The following GTPBP4 variants were observed in gnomAD, a reference collection of about 807,000 sequenced individuals.
GTPBP4 encodes the protein GTP-binding protein 4.
GTPBP4 carries 15 observed loss-of-function variants against 81.7 expected under a neutral mutation model. That is an observed-to-expected ratio of 0.18 (90% CI 0.12 to 0.28). The LOEUF (loss-of-function observed/expected upper bound fraction) is 0.28, where lower values mean the gene tolerates loss of function less well. GTPBP4 is among the 10% of genes least tolerant of loss of function. The probability of loss-of-function intolerance (pLI) is 1.00; values close to 1 mark genes in which losing one functional copy is unlikely to be tolerated. For synonymous variants in GTPBP4, 272 were observed against 274.6 expected, an observed-to-expected ratio of 0.99 and a Z score of 0.09; for missense variants, 847 against 793.8, an observed-to-expected ratio of 1.07 and a Z score of -0.81.
chr10:994,111 C>A (rs925654853), intron 2 of GTPBP4, among the ~76,000 whole-genome samples: 2 of 152,128 alleles, frequency 1.3e-5, no homozygotes, highest in African/African-American at 4.8e-5. Context: ...AAAATTCTTG[C>A]TAGAGGACGG....
chr10:1,016,512 TG>T (rs1431490412), intron 16 of GTPBP4, among the ~76,000 whole-genome samples: 1 of 152,254 alleles, frequency 6.6e-6, no homozygotes, highest in African/African-American at 2.4e-5. Context: ...CATGGAAGCC[TG>T]AGCTTCACTC....
chr10:1,015,837 G>C lies in GTPBP4; in HGVS notation c.1693G>C (p.Ala565Pro). The C allele has an allele frequency of 6.2e-7, 1 of 1,614,048 alleles. No individual in the cohort carries two copies. Among genetic ancestry groups the C allele is most frequent in the South Asian group, 1.1e-5 (1 of 91,084 alleles). The change falls in exon 16 of 17, where the codon GCC (alanine) becomes CCC (proline). Residue 565 changes from alanine to proline, a missense_variant. Ala to Pro is a conservative substitution (Grantham distance 27). Coordinates refer to ENST00000360803, the MANE Select transcript of GTPBP4 (RefSeq NM_012341.3). Reference sequence around the variant, plus strand: ...AGACTCTGCTCCCCCGTCCTCTGTGGCCCGGAGTGGGAGTTGCTCTCGAAC... The same window carrying C: ...AGACTCTGCTCCCCCGTCCTCTGTGCCCCGGAGTGGGAGTTGCTCTCGAAC... Reference protein sequence around the residue: ...REDSAPPSSVARSGSCSRTPR... With the variant: ...REDSAPPSSVPRSGSCSRTPR...
intron 6 of GTPBP4, among the ~76,000 whole-genome samples, chr10:999,947 G>A (rs537470638): frequency 6.6e-6 from 1 of 152,146 alleles, no homozygotes; most frequent in East Asian, 1.9e-4. Context: ...CGACAGGAGC[G>A]AAACTCTGTC....
At chr10:1,014,011 C>T (rs1831928622) in intron 14 of GTPBP4, among the ~76,000 whole-genome samples, 1 of 152,168 alleles carries the variant, frequency 6.6e-6, no homozygotes, top group Non-Finnish European at 1.5e-5. Flanking sequence ...GAAGAATGGA[C>T]AGACGTGGAG....
chr10:990,479 T>C (rs1328125320), intron 1 of GTPBP4, among the ~76,000 whole-genome samples: 2 of 151,958 alleles, frequency 1.3e-5, no homozygotes, highest in African/African-American at 2.4e-5. Flanking sequence ...TCCCAGCACT[T>C]TGGGAGGCTG....
At chr10:1,009,431 A>G in intron 11 of GTPBP4, 98 bp from the exon 12 acceptor site, 3 of 840,278 alleles carry the variant, frequency 3.6e-6, no homozygotes, top group Non-Finnish European at 6.3e-6. Context: ...TGATACTGAG[A>G]GGATTGGAGA....
In GTPBP4 at chr10:1,000,681, T is replaced by C; in HGVS notation, c.659T>C (p.Val220Ala). 6.6e-7 allele frequency: 1 copy of C among 1,524,202 alleles called. No homozygotes were observed. Among genetic ancestry groups the C allele is most frequent in the Non-Finnish European group, 8.8e-7 (1 of 1,136,796 alleles). The allele number at this position is 1,524,202 out of a possible 1,614,324, so 94.4% of individuals were successfully genotyped here. A position where few individuals can be genotyped will look rare whatever the true frequency, so the allele number is the denominator to read the frequency against. ...GACAAGGTCTGGCTGTGTTAGGTTGTAGACACTCCTGGGATCCTGGACCAC... is the reference window on the plus strand; with the variant it reads ...GACAAGGTCTGGCTGTGTTAGGTTGCAGACACTCCTGGGATCCTGGACCAC... ...MDYKYLRWQV[V>A]DTPGILDHPL... Residue 220 changes from valine (V) to alanine (A), a missense_variant, in exon 7 of 17, where the codon GTA (valine) becomes GCA (alanine). By Grantham distance (64) the Val-to-Ala change is moderately conservative (BLOSUM62 0). Coordinates refer to ENST00000360803, the MANE Select transcript of GTPBP4 (RefSeq NM_012341.3).
At chr10:1,012,720 G>C in intron 14 of GTPBP4, 58 bp downstream of exon 14, 2 of 1,193,600 alleles carry the variant, frequency 1.7e-6, no homozygotes, top group Admixed American at 4.0e-5. Context: ...GGATTCCTGT[G>C]TGATCATTGC....
In GTPBP4 at chr10:1,000,702, A is replaced by G. The variant is rs766343100; in HGVS notation, c.680A>G (p.Asp227Gly). 1 of 1,545,528 alleles carries G rather than the reference A, an allele frequency of 6.5e-7. No homozygotes were observed. Among genetic ancestry groups the G allele is most frequent in the Non-Finnish European group, 8.7e-7 (1 of 1,147,528 alleles). Reference sequence around the variant, plus strand: ...GTTGTAGACACTCCTGGGATCCTGGACCACCCTCTGGAGGATAGGAACACC... The same window carrying G: ...GTTGTAGACACTCCTGGGATCCTGGGCCACCCTCTGGAGGATAGGAACACC... Reference protein sequence around the residue: ...WQVVDTPGILDHPLEDRNTIE... With the variant: ...WQVVDTPGILGHPLEDRNTIE... Residue 227 changes from aspartate to glycine, a missense_variant, in exon 7 of 17, where the codon GAC (aspartate) becomes GGC (glycine). Coordinates refer to ENST00000360803, the MANE Select transcript of GTPBP4 (RefSeq NM_012341.3).
intron 8 of GTPBP4, among the ~76,000 whole-genome samples, chr10:1,001,829 T>TG (rs1831639452): frequency 6.6e-6 from 1 of 152,150 alleles, no homozygotes; most frequent in South Asian, 2.1e-4. Flanking sequence ...TCCTGGAGAA[T>TG]GTTTCATGGA....
At chr10:998,123 A>G (rs1244676205) in intron 5 of GTPBP4, among the ~76,000 whole-genome samples, 1 of 152,170 alleles carries the variant, frequency 6.6e-6, no homozygotes, top group African/African-American at 2.4e-5. Context: ...TTTTTGAGAC[A>G]GGGTCTCGCT....
intron 13 of GTPBP4, 128 bp from the exon 14 acceptor site, chr10:1,012,337 G>C (rs1211133094): frequency 1.5e-6 from 1 of 647,228 alleles, no homozygotes; most frequent in Non-Finnish European, 2.7e-6. Flanking sequence ...GCCCAGGTGG[G>C]TCTGGACCAG....
chr10:999,756 C>G (rs189938852), intron 6 of GTPBP4, among the ~76,000 whole-genome samples: 1 of 152,292 alleles, frequency 6.6e-6, no homozygotes, highest in Non-Finnish European at 1.5e-5. Flanking sequence ...GTCAGAAGTT[C>G]GAGATTGGCC....
intron 1 of GTPBP4, among the ~76,000 whole-genome samples, chr10:991,608 T>TTC (rs1171296815): frequency 6.6e-6 from 1 of 152,160 alleles, no homozygotes; most frequent in Non-Finnish European, 1.5e-5. Context: ...ATGGTTTGAA[T>TTC]TCTCTGATTA....
chr10:997,064 TATTTTCTCC>T (rs1336541878), intron 4 of GTPBP4, 135 bp from the exon 5 acceptor site: 2 of 672,318 alleles, frequency 3.0e-6, no homozygotes, highest in African/African-American at 3.6e-5. Context: ...TTTCTGCAAC[TATTTTCTCC>T]ATCACTTTTG....
chr10:1,007,776 C>T (rs1056866587), intron 10 of GTPBP4: 4 of 415,508 alleles, frequency 9.6e-6, no homozygotes, highest in African/African-American at 4.1e-5. Flanking sequence ...CTTGTGTCCT[C>T]GGCGTGGTCG....
In GTPBP4 at chr10:1,019,776, C is replaced by G. The variant is rs2132181391; in HGVS notation, c.*2549C>G. 6.2e-7 allele frequency: 1 copy of G among 1,614,094 alleles called. No individual in the cohort carries two copies. Among genetic ancestry groups the G allele is most frequent in the East Asian group, 2.2e-5 (1 of 44,870 alleles). On this transcript the variant is annotated 3_prime_UTR_variant, in exon 17 of 17. Transcript: ENST00000360803. ...ACAAATTTCATGCTCTCCCCAAATT[C>G]TGTCTGATTTTGCCTTGTGGTGATA...
In GTPBP4 at chr10:1,000,394, C is replaced by A. The variant is rs534758959; in HGVS notation, c.655-283C>A. 7.6e-4 allele frequency among the ~76,000 whole-genome samples: 116 copies of A among 151,740 alleles called. No homozygotes were observed. The South Asian group carries it at 7.9e-3, about 10-fold the overall frequency. On this transcript the variant is annotated intron_variant, in intron 6 of 16. Coordinates refer to ENST00000360803, the MANE Select transcript of GTPBP4 (RefSeq NM_012341.3). The stretch of plus-strand genomic sequence containing the variant: ...CTGGGACTACAGGTGCCCGCCACCA[C>A]GCCCAGCTAATTTTTTGTACTTTTA...
chr10:1,016,996 G>A, intron 16 of GTPBP4, 79 bp from the exon 17 acceptor site: 1 of 1,173,440 alleles, frequency 8.5e-7, no homozygotes, highest in Non-Finnish European at 1.2e-6. Flanking sequence ...TAAACAGATT[G>A]TTACCCAGTA....
Sources: gnomAD v4.1 joint callset for allele counts (sites outside exome capture counted in the v4.1 genomes callset) on GRCh38, gnomAD v4.1.1 for gene constraint, MANE v1.5 for transcripts, NCBI Gene and HGNC (gene_info 2026-07-23, HGNC 2026-07-21) for gene names.